The following KIF21B variants were observed in gnomAD, a reference collection of about 807,000 sequenced individuals.
KIF21B encodes kinesin family member 21B.
In KIF21B, 85 loss-of-function variants were observed where a neutral mutation model predicts 192.9. The ratio of observed to expected loss-of-function variants is 0.44; its 90% CI spans 0.37 to 0.53. The LOEUF (loss-of-function observed/expected upper bound fraction) is 0.53, where lower values mean the gene tolerates loss of function less well. Ranked by LOEUF, KIF21B falls within the 20% of genes least tolerant of loss-of-function variation. KIF21B has a pLI of 0.00. For synonymous variants in KIF21B, 832 were observed against 884.6 expected, an observed-to-expected ratio of 0.94 and a Z score of 1.05; for missense variants, 1,716 against 2,194.8, an observed-to-expected ratio of 0.78 and a Z score of 4.36.
chr1:200,977,735 ATTTT>A (rs56046486), intron 30 of KIF21B, among the ~76,000 whole-genome samples: 1 of 141,956 alleles, frequency 7.0e-6, no homozygotes, highest in African/African-American at 2.6e-5. Context: ...TCTGTTTACT[ATTTT>A]TTTTTTTTTT....
Position 200,976,756 on chromosome 1 carries a change from AGGC to A in KIF21B, c.4443+17_4443+19del, listed in dbSNP as rs753991569. The A allele has an allele frequency of 6.6e-7, 1 of 1,511,916 alleles. No homozygotes were observed. Among genetic ancestry groups the A allele is most frequent in the Non-Finnish European group, 9.2e-7 (1 of 1,090,898 alleles). 93.7% of individuals were successfully genotyped at this position (1,511,916 alleles called of 1,614,324 possible). On this transcript the variant is annotated intron_variant, in intron 32 of 34. Coordinates refer to ENST00000461742, the MANE Select transcript of KIF21B (RefSeq NM_001252102.2). ...GAGAGTGGAAGACCAGCCCCGACCC[AGGC>A]CTCATAGCTGAGGTACCTTAACGTA...
At chr1:200,987,400 C>A (rs1215836180) in intron 24 of KIF21B, among the ~76,000 whole-genome samples, 199 bp from the exon 25 acceptor site, 1 of 113,118 alleles carries the variant, frequency 8.8e-6, no homozygotes, top group Non-Finnish European at 1.7e-5. Flanking sequence ...GCCACCATAG[C>A]CGGATAATTA....
rs1465948401 is a variant in KIF21B, at chr1:200,999,552, T to C, written c.1768-86A>G. On this transcript the variant is annotated intron_variant, in intron 12 of 34. Transcript: ENST00000461742. The surrounding 1 kb of genome is among the most constrained non-coding windows in gnomAD (Gnocchi z 4.7). Reference sequence around the variant, plus strand: ...GTGCATCCCGACACAATGCCTCAGGTGTGTCAGGAGGGTGGGGATTGGGGC... The same window carrying C: ...GTGCATCCCGACACAATGCCTCAGGCGTGTCAGGAGGGTGGGGATTGGGGC... The C allele has an allele frequency of 6.4e-6, 10 of 1,561,900 alleles. No individual in the cohort carries two copies. In the Admixed American group the frequency reaches 1.6e-4, roughly 25 times the overall value.
Position 200,999,985 on chromosome 1 carries a change from A to C in KIF21B, c.1686-21T>G. 3.1e-6 allele frequency: 5 copies of C among 1,610,894 alleles called. No individual in the cohort carries two copies. In the East Asian group the frequency reaches 1.1e-4, roughly 36 times the overall value. On this transcript the variant is annotated intron_variant, in intron 11 of 34. Coordinates refer to ENST00000461742, the MANE Select transcript of KIF21B (RefSeq NM_001252102.2). The surrounding 1 kb of genome is among the most constrained non-coding windows in gnomAD (Gnocchi z 4.7). ...CGGGGCTGCTCAGGGAGGACAGGGA[A>C]GCTGGATTAGGAAGGCTGCCCCTGC... is the stretch of plus-strand genomic sequence containing the variant.
Position 201,004,750 on chromosome 1 carries a change from C to CCCA in KIF21B, c.900+13_900+15dup, listed in dbSNP as rs768568417. 6.2e-7 allele frequency: 1 copy of CCCA among 1,613,956 alleles called. No homozygotes were observed. The highest frequency in any genetic ancestry group is 2.2e-5 in the East Asian group (1 of 44,880). ...GCTGTGTGGGTGCTGGGGCTGATGA[C>CCCA]CCACCATGTGCCTACCAGGCCACAG... On this transcript the variant is annotated intron_variant, in intron 6 of 34. Transcript: ENST00000461742.
chr1:200,975,656 C>A lies in KIF21B; in HGVS notation c.4457G>T (p.Gly1486Val), dbSNP rs1557995324. 1 of 1,610,094 alleles carries A rather than the reference C, an allele frequency of 6.2e-7. No homozygotes were observed. Among genetic ancestry groups the A allele is most frequent in the Non-Finnish European group, 8.5e-7 (1 of 1,177,276 alleles). ...GCCGATGGTGCCCGTCACACACTCG[C>A]CCAGCTCGAACATCTGTGGGAGGAG... ...KDHYVKMFEL[G>V]ECVTGTIGPT... The change falls in exon 33 of 35, where the codon GGC becomes GTC. Residue 1486 changes from glycine to valine, a missense_variant. Coordinates refer to ENST00000461742, the MANE Select transcript of KIF21B (RefSeq NM_001252102.2). The surrounding 1 kb of genome is among the most constrained non-coding windows in gnomAD (Gnocchi z 4.3).
intron 15 of KIF21B, among the ~76,000 whole-genome samples, 185 bp from the exon 16 acceptor site, chr1:200,992,574 G>T (rs111346114): frequency 1.3e-5 from 2 of 152,222 alleles, no homozygotes; most frequent in East Asian, 3.8e-4. Flanking sequence ...AGCTTAAGCC[G>T]CCTGGGCAAG....
intron 15 of KIF21B, among the ~76,000 whole-genome samples, chr1:200,995,975 C>T (rs1245459421): frequency 6.6e-6 from 1 of 152,188 alleles, no homozygotes; most frequent in African/African-American, 2.4e-5. Context: ...CCAGCATCCC[C>T]GCACACTGGC....
chr1:201,010,158 G>T (rs1658147811), intron 1 of KIF21B, among the ~76,000 whole-genome samples: 1 of 152,220 alleles, frequency 6.6e-6, no homozygotes, highest in Admixed American at 6.5e-5. Context: ...CAGACCAGGA[G>T]CCCCCTTCCC....
chr1:200,976,179 C>T (rs988615989), intron 32 of KIF21B, among the ~76,000 whole-genome samples: 3 of 152,158 alleles, frequency 2.0e-5, no homozygotes, highest in Non-Finnish European at 4.4e-5. Context: ...CAACCTCTGC[C>T]TCCCGGGTTC....
At position 200,988,846 on chromosome 1, in the gene KIF21B, T is replaced by C. The variant is rs1328439999; in HGVS notation, c.3218A>G (p.Asn1073Ser). 2.5e-6 allele frequency: 4 copies of C among 1,612,754 alleles called. No homozygotes were observed. The highest frequency in any genetic ancestry group is 1.7e-5 in the Admixed American group (1 of 59,870). The change falls in exon 22 of 35, where the codon AAC (asparagine) becomes AGC (serine). Residue 1073 changes from asparagine to serine, a missense_variant. Transcript: ENST00000461742. ...RQTDMAGSSQ[N>S]HLLLDALREK... ...ACGCAGGGCGTCCAGGAGCAGATGG[T>C]TCTGGGAGGAGCCTGCCATATCCGT...
chr1:201,004,390 GT>G lies in KIF21B; in HGVS notation c.965del (p.Tyr322SerfsTer22). ...GGAGCCGAGTGAGCTTGGAGTCCCT[GT>G]AGGGAACGTGCACCACCTTCTTGCT... ...DQSKKVVHVP[Y>X]RDSKLTRLLQ... On this transcript the variant is annotated frameshift_variant, in exon 7 of 35. Coordinates refer to ENST00000461742, the MANE Select transcript of KIF21B (RefSeq NM_001252102.2). LOFTEE classifies it high-confidence loss of function. The G allele has an allele frequency of 6.3e-7, 1 of 1,581,228 alleles. No homozygotes were observed. The highest frequency in any genetic ancestry group is 1.3e-5 in the African/African-American group (1 of 74,674).
In KIF21B at chr1:200,973,818, G is replaced by A. The variant is rs927293750; in HGVS notation, c.4815-240C>T. The A allele has an allele frequency of 6.3e-6, 9 of 1,430,686 alleles. No homozygotes were observed. In the South Asian group the frequency reaches 7.6e-5, roughly 12 times the overall value. 88.6% of individuals were successfully genotyped at this position (1,430,686 alleles called of 1,614,324 possible). On this transcript the variant is annotated intron_variant, in intron 34 of 34. Coordinates refer to ENST00000461742, the MANE Select transcript of KIF21B (RefSeq NM_001252102.2). ...TGTCATGGGTTTTCTTTTTTTGGGG[G>A]GGTGTTTCGTTTTGTCCAGGCCTGA...
At chr1:200,985,024 G>T in intron 26 of KIF21B, 52 bp from the exon 27 acceptor site, 1 of 1,330,424 alleles carries the variant, frequency 7.5e-7, no homozygotes, top group Non-Finnish European at 1.1e-6. Flanking sequence ...CTGCCCACAG[G>T]CCCCTACTTG....
chr1:200,988,889 C>A lies in KIF21B; in HGVS notation c.3175G>T (p.Glu1059Ter). 6.2e-7 allele frequency: 1 copy of A among 1,612,942 alleles called. No individual in the cohort carries two copies. Among genetic ancestry groups the A allele is most frequent in the Admixed American group, 1.7e-5 (1 of 59,928 alleles). Residue 1059 changes from glutamate to a stop codon, truncating the protein, a stop_gained, in exon 22 of 35, where the codon GAG becomes TAG. Coordinates refer to ENST00000461742, the MANE Select transcript of KIF21B (RefSeq NM_001252102.2). LOFTEE classifies it high-confidence loss of function. ...AQKEAQIRLLEGRLRQTDMAG... is the reference protein window; with the variant it reads ...AQKEAQIRLL ...ATATCCGTCTGCCTCAGTCGGCCCT[C>A]CAACAGCCGGATCTGGGCTTCCTTT...
intron 16 of KIF21B, 72 bp from the exon 17 acceptor site, chr1:200,991,797 C>A: frequency 6.7e-7 from 1 of 1,489,244 alleles, no homozygotes; most frequent in Non-Finnish European, 9.3e-7. Flanking sequence ...TACAGGCTGG[C>A]TAGCCCTGTA....
chr1:201,017,558 G>T lies in KIF21B; in HGVS notation c.41+5785C>A, dbSNP rs920538678. On this transcript the variant is annotated intron_variant, in intron 1 of 34. Coordinates refer to ENST00000461742, the MANE Select transcript of KIF21B (RefSeq NM_001252102.2). The surrounding 1 kb of genome is among the most constrained non-coding windows in gnomAD (Gnocchi z 4.1). ...TTCGCCCAGAGCCCAGAGCTGTGAC[G>T]GTATTGGCATCTGCATCTGGTGGGG... is the stretch of plus-strand genomic sequence containing the variant. 2.6e-5 allele frequency among the ~76,000 whole-genome samples: 4 copies of T among 152,246 alleles called. No homozygotes were observed. Among genetic ancestry groups the T allele is most frequent in the African/African-American group, 7.2e-5 (3 of 41,458 alleles).
chr1:200,990,375 C>T lies in KIF21B; in HGVS notation c.2836-43G>A, dbSNP rs1305685353. 5.8e-6 allele frequency: 9 copies of T among 1,550,578 alleles called. No homozygotes were observed. The highest frequency in any genetic ancestry group is 7.0e-6 in the Non-Finnish European group (8 of 1,146,550). On this transcript the variant is annotated intron_variant, in intron 19 of 34. Coordinates refer to ENST00000461742, the MANE Select transcript of KIF21B (RefSeq NM_001252102.2). The surrounding 1 kb of genome is among the most constrained non-coding windows in gnomAD (Gnocchi z 5.4). ...GGTGGTGATTGTGATGAAGGAGAGG[C>T]CTCAGGTAGCTGCCAAGCCCTGCCC...
chr1:201,001,603 A>T (rs1459692943), intron 9 of KIF21B: 2 of 153,608 alleles, frequency 1.3e-5, no homozygotes, highest in African/African-American at 4.8e-5. Context: ...CTGGTCTCAA[A>T]CTCCTGGGTT....
Sources: allele counts gnomAD v4.1 joint callset (sites outside exome capture counted in the v4.1 genomes callset), GRCh38; gene constraint gnomAD v4.1.1; non-coding constraint Gnocchi (gnomAD v3.1); transcripts MANE v1.5; gene names NCBI Gene and HGNC (gene_info 2026-07-23, HGNC 2026-07-21).